The following RIMS2 variants were observed in gnomAD, a reference collection of about 807,000 sequenced individuals.
RIMS2 encodes regulating synaptic membrane exocytosis protein 2.
A neutral mutation model predicts 174.4 loss-of-function variants in RIMS2; 59 were observed. The observed-to-expected ratio is 0.34, with a 90% CI of 0.27 to 0.42. The LOEUF is 0.42. Among genes scored for constraint, RIMS2 ranks in the 10% least tolerant of loss-of-function variants. The pLI is 1.00. For synonymous variants in RIMS2, 606 were observed against 572.5 expected, an observed-to-expected ratio of 1.06 and a Z score of -0.84; for missense variants, 1,620 against 1,666.3, an observed-to-expected ratio of 0.97 and a Z score of 0.48.
At chr8:103,628,394 C>T (rs759393312) in intron 1 of RIMS2, among the ~76,000 whole-genome samples, 7 of 149,814 alleles carry the variant, frequency 4.7e-5, no homozygotes, top group Non-Finnish European at 1.0e-4. Context: ...ACTCCTGTTG[C>T]CCAGGCCTGG....
At position 104,198,514 on chromosome 8, in the gene RIMS2, G is replaced by A. The variant is rs116292276; in HGVS notation, c.3335-46402G>A. On this transcript the variant is annotated intron_variant, in intron 19 of 23. Transcript: ENST00000504942. Reference sequence around the variant, plus strand: ...GGAGGCTGTGGATCAATAACCAATGGGTACCCAGAACCAAATTCACAAGAG... The same window carrying A: ...GGAGGCTGTGGATCAATAACCAATGAGTACCCAGAACCAAATTCACAAGAG... 4.6e-3 allele frequency among the ~76,000 whole-genome samples: 698 copies of A among 152,184 alleles called. 9 individuals carry two copies. Among genetic ancestry groups the A allele is most frequent in the African/African-American group, 0.016 (656 of 41,536 alleles).
At chr8:104,042,798 A>T (rs2096630701) in intron 19 of RIMS2, among the ~76,000 whole-genome samples, 1 of 151,546 alleles carries the variant, frequency 6.6e-6, no homozygotes, top group Non-Finnish European at 1.5e-5. Context: ...TTCAGGAGAG[A>T]AGTCTGGGCT....
At chr8:104,164,850 G>C (rs1456677585) in intron 19 of RIMS2, among the ~76,000 whole-genome samples, 1 of 151,992 alleles carries the variant, frequency 6.6e-6, no homozygotes, top group Non-Finnish European at 1.5e-5. Context: ...TAACTAATGG[G>C]TACTAGGCTT....
At chr8:103,672,601 T>C (rs1247053317) in intron 1 of RIMS2, among the ~76,000 whole-genome samples, 1 of 151,648 alleles carries the variant, frequency 6.6e-6, no homozygotes, top group Non-Finnish European at 1.5e-5. Flanking sequence ...ATAACCAGAG[T>C]TAGTGAGAAC....
In RIMS2 at chr8:103,938,236, G is replaced by A. The variant is rs186121070; in HGVS notation, c.2547+1514G>A. Among the ~76,000 whole-genome samples, 680 of 152,070 alleles carry A rather than the reference G, an allele frequency of 4.5e-3. 2 individuals are homozygous for A. The highest frequency in any genetic ancestry group is 8.0e-3 in the Non-Finnish European group (541 of 67,988). On this transcript the variant is annotated intron_variant, in intron 13 of 23. Transcript: ENST00000504942. ...GGTTGGTATATTAATTCATTTTCAC[G>A]CTGCTGATAAAGACATACCCGAGAC...
intron 1 of RIMS2, among the ~76,000 whole-genome samples, chr8:103,644,245 G>A (rs1446179693): frequency 6.6e-6 from 1 of 152,128 alleles, no homozygotes; most frequent in Non-Finnish European, 1.5e-5. Context: ...GCAGACCTCT[G>A]CTCCTGGACA....
At chr8:104,010,334 A>G (rs1410822704) in intron 17 of RIMS2, among the ~76,000 whole-genome samples, 1 of 152,194 alleles carries the variant, frequency 6.6e-6, no homozygotes, top group East Asian at 1.9e-4. Context: ...ACTGAAAATA[A>G]ATACTGAACA....
intron 4 of RIMS2, chr8:103,910,063 GT>G: frequency 1.1e-6 from 1 of 900,828 alleles, no homozygotes; most frequent in South Asian, 1.5e-5. Flanking sequence ...AGTTTAAAAT[GT>G]TTATAATGTC....
intron 1 of RIMS2, among the ~76,000 whole-genome samples, chr8:103,685,312 C>G (rs1228256954): frequency 1.3e-5 from 2 of 152,040 alleles, no homozygotes; most frequent in African/African-American, 4.8e-5. Flanking sequence ...GCAGACATGT[C>G]ACATGGCAAG....
intron 1 of RIMS2, among the ~76,000 whole-genome samples, chr8:103,570,831 A>G (rs535888895): frequency 1.3e-5 from 2 of 152,298 alleles, no homozygotes; most frequent in South Asian, 4.1e-4. Context: ...ATAAGTAGGG[A>G]GAACTCAATA....
chr8:103,942,728 T>G, intron 13 of RIMS2, 45 bp from the exon 16 acceptor site: 2 of 1,342,898 alleles, frequency 1.5e-6, no homozygotes, highest in Non-Finnish European at 2.1e-6. Flanking sequence ...ATAATTTCTT[T>G]ATTATTGGTA....
At chr8:104,213,596 G>T (rs919440217) in intron 19 of RIMS2, among the ~76,000 whole-genome samples, 3 of 152,162 alleles carry the variant, frequency 2.0e-5, no homozygotes, top group Non-Finnish European at 4.4e-5. Flanking sequence ...AAATGAATGG[G>T]CCGGGTGCAG....
intron 3 of RIMS2, among the ~76,000 whole-genome samples, chr8:103,847,532 G>A (rs189612865): frequency 6.6e-6 from 1 of 152,138 alleles, no homozygotes. Context: ...TATGTTATGT[G>A]GTATTCCATG....
At chr8:103,916,057 CA>C (rs900071364) in intron 7 of RIMS2, among the ~76,000 whole-genome samples, 10 of 151,688 alleles carry the variant, frequency 6.6e-5, no homozygotes, top group African/African-American at 2.4e-4. Flanking sequence ...AAACCCTTTA[CA>C]AAAAAACAAG....
chr8:104,171,359 G>C (rs1183574989), intron 19 of RIMS2, among the ~76,000 whole-genome samples: 1 of 150,524 alleles, frequency 6.6e-6, no homozygotes, highest in Non-Finnish European at 1.5e-5. Context: ...CTTTGTCTTT[G>C]TCTGATTGGA....
chr8:103,703,709 T>C (rs1023200732), intron 2 of RIMS2, among the ~76,000 whole-genome samples: 14 of 152,192 alleles, frequency 9.2e-5, no homozygotes, highest in Non-Finnish European at 1.2e-4. Flanking sequence ...CTTTCTCTTC[T>C]TTAGTTAAGT....
intron 1 of RIMS2, among the ~76,000 whole-genome samples, chr8:103,515,548 G>A (rs1042808169): frequency 2.2e-4 from 34 of 152,154 alleles, no homozygotes; most frequent in African/African-American, 6.5e-4. Context: ...TTCTGATCTC[G>A]TTTCTTTGTG....
chr8:103,719,432 C>G (rs1043757511), intron 2 of RIMS2, among the ~76,000 whole-genome samples: 1 of 152,130 alleles, frequency 6.6e-6, no homozygotes, highest in Non-Finnish European at 1.5e-5. Flanking sequence ...TTCAGAAATG[C>G]AGAAGTGCAG....
chr8:103,911,136 A>C (rs945461445), intron 5 of RIMS2, among the ~76,000 whole-genome samples: 1 of 152,128 alleles, frequency 6.6e-6, no homozygotes, highest in African/African-American at 2.4e-5. Context: ...TACAATATAG[A>C]TGTAATTGAC....
Sources: allele counts gnomAD v4.1 joint callset (sites outside exome capture counted in the v4.1 genomes callset), GRCh38; gene constraint gnomAD v4.1.1; transcripts MANE v1.5; gene names NCBI Gene and HGNC (gene_info 2026-07-23, HGNC 2026-07-21).